RFX7: variants seen among roughly 807,000 people sequenced by gnomAD.
The protein encoded by RFX7 is regulatory factor X7.
RFX7 carries 26 observed loss-of-function variants against 111.8 expected under a neutral mutation model. The observed-to-expected ratio is 0.23, with a 90% CI of 0.17 to 0.32. The LOEUF is 0.32. Among genes scored for constraint, RFX7 ranks in the 10% least tolerant of loss-of-function variants. The probability of loss-of-function intolerance (pLI) is 1.00; values close to 1 mark genes in which losing one functional copy is unlikely to be tolerated. For synonymous variants in RFX7, 624 were observed against 624.4 expected (o/e 1.00, Z 0.01); for missense variants, 1,573 against 1,772.9 (o/e 0.89, Z 2.02).
chr15:56,126,315 C>T (rs1368743097), intron 5 of RFX7, among the ~76,000 whole-genome samples: 2 of 152,096 alleles, frequency 1.3e-5, no homozygotes, highest in Non-Finnish European at 2.9e-5. Flanking sequence ...TTTAACTTGC[C>T]CTAGTCTGAT....
chr15:56,141,385 C>T (rs1401949900), intron 5 of RFX7, among the ~76,000 whole-genome samples: 3 of 151,578 alleles, frequency 2.0e-5, no homozygotes, highest in African/African-American at 7.3e-5. Context: ...AACAAACAAA[C>T]AAACAAAAAA....
intron 5 of RFX7, among the ~76,000 whole-genome samples, chr15:56,136,014 T>C (rs1205248980): frequency 9.9e-5 from 15 of 152,032 alleles, no homozygotes; most frequent in African/African-American, 3.4e-4. Flanking sequence ...TTTTGGTTAC[T>C]GTAGCCTTGT....
chr15:56,232,722 G>A (rs575133011), intron 2 of RFX7, among the ~76,000 whole-genome samples: 1 of 152,214 alleles, frequency 6.6e-6, no homozygotes, highest in East Asian at 1.9e-4. Context: ...AATTGCTTCT[G>A]CCAGATACCC....
intron 2 of RFX7, 69 bp downstream of exon 2, chr15:56,243,056 G>GC (rs1351043529): frequency 2.9e-5 from 15 of 521,900 alleles, no homozygotes; most frequent in Admixed American, 1.5e-4. Context: ...CCCGCCCGCC[G>GC]CCCCCCACCC....
At chr15:56,243,371 G>A in intron 1 of RFX7, 74 bp downstream of exon 1, 2 of 866,078 alleles carry the variant, frequency 2.3e-6, no homozygotes, top group South Asian at 1.9e-5. Context: ...GGACGAAGGG[G>A]GGAGAGGAGG....
intron 8 of RFX7, among the ~76,000 whole-genome samples, chr15:56,099,672 A>G (rs1300983213): frequency 6.6e-6 from 1 of 152,190 alleles, no homozygotes; most frequent in Non-Finnish European, 1.5e-5. Context: ...AAATTAGTCT[A>G]CTATCGAAGG....
chr15:56,099,233 C>T (rs1243042709), intron 8 of RFX7, among the ~76,000 whole-genome samples: 1 of 152,164 alleles, frequency 6.6e-6, no homozygotes, highest in African/African-American at 2.4e-5. Context: ...CCTGCTGGTA[C>T]ACCTTGCCCT....
At position 56,142,860 on chromosome 15, in the gene RFX7, G is replaced by A. The variant is rs1340556419; in HGVS notation, c.319C>T (p.His107Tyr). 2 of 1,613,480 alleles carry A rather than the reference G, an allele frequency of 1.2e-6. No homozygotes were observed. The highest frequency in any genetic ancestry group is 2.2e-5 in the East Asian group (1 of 44,890). The stretch of plus-strand genomic sequence containing the variant: ...GTATTCCGAATCCAGGAAAAGGCAT[G>A]CATTTGTTGTGCCCGACTAGATGAC... Reference protein sequence around the residue: ...AMSSSRAQQMHAFSWIRNTLE... With the variant: ...AMSSSRAQQMYAFSWIRNTLE... Residue 107 changes from histidine to tyrosine, a missense_variant, in exon 5 of 10, where the codon CAT becomes TAT. By Grantham distance (83) the His-to-Tyr change is moderately conservative. Around this residue, in one of 7 missense-constraint regions of RFX7, gnomAD observed 191 missense variants for 194.2 expected, o/e 0.98. Coordinates refer to ENST00000559447, the MANE Select transcript of RFX7 (RefSeq NM_022841.7).
Position 56,166,154 on chromosome 15 carries a change from G to A in RFX7, c.195+13116C>T, listed in dbSNP as rs183695863. Among the ~76,000 whole-genome samples the A allele has an allele frequency of 1.1e-4, 17 of 152,196 alleles. No homozygotes were observed. In the East Asian group the frequency reaches 2.1e-3, roughly 19 times the overall value. ...TGGGCTCAAGGGATTCTCCTGCCTC[G>A]GAAAGTGTTGGGATTACAGGCATGA... On this transcript the variant is annotated intron_variant, in intron 3 of 9. Coordinates refer to ENST00000559447, the MANE Select transcript of RFX7 (RefSeq NM_022841.7).
intron 3 of RFX7, among the ~76,000 whole-genome samples, chr15:56,153,790 C>T (rs1352841311): frequency 6.6e-6 from 1 of 152,100 alleles, no homozygotes; most frequent in African/African-American, 2.4e-5. Context: ...AAGTTCTGGC[C>T]AGGGCAATCA....
chr15:56,132,803 G>A (rs1286324396), intron 5 of RFX7, among the ~76,000 whole-genome samples: 7 of 152,000 alleles, frequency 4.6e-5, no homozygotes, highest in African/African-American at 1.7e-4. Flanking sequence ...AAACATATCA[G>A]AAAGAAATGC....
chr15:56,237,438 G>C (rs1052364013), intron 2 of RFX7, among the ~76,000 whole-genome samples: 2 of 152,238 alleles, frequency 1.3e-5, no homozygotes, highest in Non-Finnish European at 2.9e-5. Context: ...TCAAATATAA[G>C]TAAATGATAA....
intron 2 of RFX7, 68 bp downstream of exon 2, chr15:56,243,056 GC>G: frequency 1.9e-6 from 1 of 520,766 alleles, no homozygotes; most frequent in Non-Finnish European, 3.3e-6. Context: ...CCCGCCCGCC[GC>G]CCCCCACCCA....
intron 2 of RFX7, among the ~76,000 whole-genome samples, chr15:56,217,789 C>T (rs1361166025): frequency 2.6e-5 from 4 of 152,144 alleles, no homozygotes; most frequent in Non-Finnish European, 5.9e-5. Flanking sequence ...GCAACATATT[C>T]AGGCATAAAT....
At chr15:56,232,937 C>T (rs541043831) in intron 2 of RFX7, among the ~76,000 whole-genome samples, 146 of 152,308 alleles carry the variant, frequency 9.6e-4, no homozygotes, top group Non-Finnish European at 8.7e-4. Context: ...GAGTTCCAAA[C>T]TTTCTCACAA....
chr15:56,194,874 A>C (rs1230800990), intron 2 of RFX7, among the ~76,000 whole-genome samples: 1 of 152,072 alleles, frequency 6.6e-6, no homozygotes. Context: ...AAAAGCTAAA[A>C]CAGAGAATTA....
intron 2 of RFX7, among the ~76,000 whole-genome samples, chr15:56,236,755 G>C (rs1227128804): frequency 6.6e-6 from 1 of 152,082 alleles, no homozygotes; most frequent in East Asian, 1.9e-4. Flanking sequence ...ATGGGATAAG[G>C]TTAAACATCT....
intron 2 of RFX7, among the ~76,000 whole-genome samples, chr15:56,188,658 A>C (rs1455845380): frequency 6.6e-6 from 1 of 152,222 alleles, no homozygotes; most frequent in Non-Finnish European, 1.5e-5. Flanking sequence ...GGGACAAAAG[A>C]AAATCCTTAT....
chr15:56,220,296 T>G (rs1158928520), intron 2 of RFX7, among the ~76,000 whole-genome samples: 1 of 152,212 alleles, frequency 6.6e-6, no homozygotes, highest in Non-Finnish European at 1.5e-5. Context: ...AGTGGCGTGA[T>G]CTCGGCTCAC....
Sources: gnomAD v4.1 joint callset for allele counts (sites outside exome capture counted in the v4.1 genomes callset) on GRCh38, gnomAD v4.1.1 for gene constraint, gnomAD v4.1.1 regional missense constraint, MANE v1.5 for transcripts, NCBI Gene and HGNC (gene_info 2026-07-23, HGNC 2026-07-21) for gene names.